The following HDGFL3 variants were observed in gnomAD, a reference collection of about 807,000 sequenced individuals.
HDGFL3 encodes the protein HDGF like 3, also known as hepatoma-derived growth factor-related protein 3.
A neutral mutation model predicts 27.6 loss-of-function variants in HDGFL3; 6 were observed. The ratio of observed to expected loss-of-function variants is 0.22; its 90% CI spans 0.12 to 0.43. HDGFL3 has a LOEUF of 0.43. HDGFL3 is among the 20% of genes least tolerant of loss of function. The probability of loss-of-function intolerance (pLI) is 1.00; values close to 1 mark genes in which losing one functional copy is unlikely to be tolerated. For synonymous variants in HDGFL3, 88 were observed against 88.9 expected (o/e 0.99, Z 0.05); for missense variants, 207 against 250.1 (o/e 0.83, Z 1.16).
intron 1 of HDGFL3, among the ~76,000 whole-genome samples, chr15:83,168,097 T>C (rs968693679): frequency 6.6e-5 from 10 of 152,110 alleles, no homozygotes; most frequent in Admixed American, 5.2e-4. Context: ...ATAAAATAAT[T>C]CTTTGAAATA....
exon 4 of HDGFL3, chr15:83,113,165 C>G (rs2034350931): frequency 3.9e-6 from 2 of 514,918 alleles, no homozygotes; most frequent in Admixed American, 3.3e-5. Context: ...CATGCTTTGA[C>G]CTCTGACCTC....
At chr15:83,123,171 A>G (rs1236194370), downstream of HDGFL3, among the ~76,000 whole-genome samples, 3 of 152,198 alleles carry the variant, frequency 2.0e-5, no homozygotes, top group Non-Finnish European at 2.9e-5. Context: ...TGTCAAGTGA[A>G]GTCCATAGTG....
At chr15:83,150,124 A>G (rs1325178697) in intron 5 of HDGFL3, among the ~76,000 whole-genome samples, 1 of 152,176 alleles carries the variant, frequency 6.6e-6, no homozygotes, top group Non-Finnish European at 1.5e-5. Flanking sequence ...TCTGAGTATT[A>G]AGGGGGTAGG....
intron 5 of HDGFL3, among the ~76,000 whole-genome samples, chr15:83,142,390 T>C (rs1177273056): frequency 2.6e-5 from 4 of 152,196 alleles, no homozygotes; most frequent in African/African-American, 7.2e-5. Flanking sequence ...TGCATAGAGC[T>C]AGAGGCCATT....
At chr15:83,198,140 G>T (rs1440106086) in intron 1 of HDGFL3, among the ~76,000 whole-genome samples, 2 of 148,556 alleles carry the variant, frequency 1.3e-5, no homozygotes, top group Non-Finnish European at 3.0e-5. Context: ...AGGAAGATGA[G>T]AATTAAAATC....
rs1398245303 is a variant in HDGFL3, at chr15:83,207,125, G to A, written c.84+206C>T. ...GCCTTCGAAAGTGGGCGGAAGGATG[G>A]CCGCCCTGGCGGAGTGCGGGCGAGG... On this transcript the variant is annotated intron_variant, in intron 1 of 5. Coordinates refer to ENST00000299633, the MANE Select transcript of HDGFL3 (RefSeq NM_016073.4). The surrounding 1 kb of genome is among the most constrained non-coding windows in gnomAD (Gnocchi z 4.8). 1.3e-5 allele frequency among the ~76,000 whole-genome samples: 2 copies of A among 152,198 alleles called. No individual in the cohort carries two copies. Among genetic ancestry groups the A allele is most frequent in the Non-Finnish European group, 2.9e-5 (2 of 68,020 alleles).
At chr15:83,202,572 A>C (rs2037661140) in intron 1 of HDGFL3, among the ~76,000 whole-genome samples, 1 of 152,172 alleles carries the variant, frequency 6.6e-6, no homozygotes, top group Non-Finnish European at 1.5e-5. Context: ...CAACTCACTG[A>C]AAGCTAAAAA....
At chr15:83,116,023 T>C in intron 3 of HDGFL3, 1 of 1,110,224 alleles carries the variant, frequency 9.0e-7, no homozygotes, top group Non-Finnish European at 1.4e-6. Flanking sequence ...AGAAATCCTC[T>C]CATTTAGTGT....
intron 1 of HDGFL3, chr15:83,192,108 A>T: frequency 3.4e-6 from 1 of 290,896 alleles, no homozygotes. Flanking sequence ...CGCCTGGCTA[A>T]TTTTTTGTAT....
At chr15:83,184,570 A>T (rs544861912) in intron 1 of HDGFL3, 64 of 152,282 alleles carry the variant, frequency 4.2e-4, no homozygotes, top group African/African-American at 1.5e-3. Context: ...TCTAATCTGA[A>T]ATAAGGTACT....
chr15:83,185,756 A>G (rs538375792), intron 1 of HDGFL3, among the ~76,000 whole-genome samples: 24 of 152,308 alleles, frequency 1.6e-4, no homozygotes, highest in African/African-American at 5.3e-4. Flanking sequence ...CCCACTCTTG[A>G]TATTCATATC....
intron 3 of HDGFL3, among the ~76,000 whole-genome samples, chr15:83,118,979 T>C (rs1596487024): frequency 6.6e-6 from 1 of 152,176 alleles, no homozygotes. Flanking sequence ...AGTCTTGTAA[T>C]CTCAGAGCAT....
At chr15:83,122,834 A>G, downstream of HDGFL3, 1 of 1,614,014 alleles carries the variant, frequency 6.2e-7, no homozygotes, top group Non-Finnish European at 8.5e-7. Context: ...GGCTGGTTTC[A>G]GAATCTATAA....
In HDGFL3 at chr15:83,130,994, G is replaced by A. The variant is rs1417606918; in HGVS notation, c.*8276C>T. ...CAGTCCCAGCTACTAGGAAGGCTGA[G>A]GTGGGAGGATCACTTGAACCAGGAG... is the stretch of plus-strand genomic sequence containing the variant. On this transcript the variant is annotated 3_prime_UTR_variant, in exon 6 of 6. Transcript: ENST00000299633. 1 of 152,234 alleles carries A rather than the reference G, an allele frequency of 6.6e-6. No individual in the cohort carries two copies. The highest frequency in any genetic ancestry group is 1.5e-5 in the Non-Finnish European group (1 of 68,142). 9.4% of individuals were successfully genotyped at this position (152,234 alleles called of 1,614,324 possible).
downstream of HDGFL3, chr15:83,127,313 T>C (rs1257078530): frequency 4.6e-6 from 7 of 1,533,200 alleles, no homozygotes; most frequent in Admixed American, 2.1e-5. Flanking sequence ...TCAGGCCAAG[T>C]TAACTGCCAA....
At chr15:83,162,244 T>C (rs1330583432) in intron 2 of HDGFL3, among the ~76,000 whole-genome samples, 1 of 152,210 alleles carries the variant, frequency 6.6e-6, no homozygotes, top group African/African-American at 2.4e-5. Flanking sequence ...ACATTCATAC[T>C]TGCCAGGGCA....
intron 1 of HDGFL3, among the ~76,000 whole-genome samples, chr15:83,203,431 C>T (rs1420846175): frequency 2.6e-5 from 4 of 151,860 alleles, no homozygotes; most frequent in Non-Finnish European, 5.9e-5. Context: ...GGTGTGTGCC[C>T]GGTTGAGCAG....
At chr15:83,193,147 A>T (rs1241310080) in intron 1 of HDGFL3, among the ~76,000 whole-genome samples, 1 of 152,234 alleles carries the variant, frequency 6.6e-6, no homozygotes, top group African/African-American at 2.4e-5. Context: ...AAAAAAAAGC[A>T]ATCCGTGCAA....
At chr15:83,186,008 C>T (rs1297997394) in intron 1 of HDGFL3, 1 of 152,228 alleles carries the variant, frequency 6.6e-6, no homozygotes, top group African/African-American at 2.4e-5. Flanking sequence ...GCCAACATCT[C>T]ATGAAGAAAT....
Sources: allele counts gnomAD v4.1 joint callset (sites outside exome capture counted in the v4.1 genomes callset), GRCh38; gene constraint gnomAD v4.1.1; non-coding constraint Gnocchi (gnomAD v3.1); transcripts MANE v1.5; gene names NCBI Gene and HGNC (gene_info 2026-07-23, HGNC 2026-07-21).